Variants in DNAH17 observed in about 807,000 individuals in gnomAD.
The protein encoded by DNAH17 is dynein axonemal heavy chain 17, also known as axonemal beta dynein heavy chain 17.
A neutral mutation model predicts 485.6 loss-of-function variants in DNAH17; 376 were observed. The ratio of observed to expected loss-of-function variants is 0.77; its 90% CI spans 0.71 to 0.84. The LOEUF is 0.84. Among genes scored for constraint, DNAH17 ranks in the 40% least tolerant of loss-of-function variants. DNAH17 has a pLI of 0.00. For synonymous variants in DNAH17, 3,031 were observed against 2,405.9 expected, an observed-to-expected ratio of 1.26 and a Z score of -7.60; for missense variants, 6,370 against 5,839.3, an observed-to-expected ratio of 1.09 and a Z score of -2.96.
chr17:78,444,952 G>A (rs1364766313), intron 70 of DNAH17, among the ~76,000 whole-genome samples, 155 bp from the exon 71 acceptor site: 1 of 152,076 alleles, frequency 6.6e-6, no homozygotes, highest in Non-Finnish European at 1.5e-5. Context: ...ACCAAAGCAG[G>A]AGCTGTCCAT....
chr17:78,426,396 C>A (rs1479358693), intron 79 of DNAH17, 61 bp downstream of exon 79: 2 of 1,498,212 alleles, frequency 1.3e-6, no homozygotes, highest in Admixed American at 2.3e-5. Flanking sequence ...GTGGGGTGTG[C>A]CGAGCTCTGG....
Position 78,440,305 on chromosome 17 carries a change from G to A in DNAH17, c.11677+746C>T, listed in dbSNP as rs1598451704. Among the ~76,000 whole-genome samples, 3 of 140,010 alleles carry A rather than the reference G, an allele frequency of 2.1e-5. No individual in the cohort carries two copies. In the East Asian group the frequency reaches 6.5e-4, roughly 30 times the overall value. The allele number at this position is 140,010 out of a possible 152,430, so 91.9% of individuals were successfully genotyped here. A position where few individuals can be genotyped will look rare whatever the true frequency, so the allele number is the denominator to read the frequency against. ...AGGGTCTTACTCGGTCGCCCAGGCTGGAGTGAAGTGGCTTGATCACGGCTC... is the reference window on the plus strand; with the variant it reads ...AGGGTCTTACTCGGTCGCCCAGGCTAGAGTGAAGTGGCTTGATCACGGCTC... On this transcript the variant is annotated intron_variant, in intron 72 of 80. Coordinates refer to ENST00000389840, the MANE Select transcript of DNAH17 (RefSeq NM_173628.4).
chr17:78,513,028 C>T (rs897284016), intron 26 of DNAH17, among the ~76,000 whole-genome samples: 1 of 151,562 alleles, frequency 6.6e-6, no homozygotes, highest in African/African-American at 2.4e-5. Flanking sequence ...CTACACAATG[C>T]ACCTTACTGA....
intron 54 of DNAH17, among the ~76,000 whole-genome samples, chr17:78,470,131 T>C (rs996145978): frequency 7.3e-6 from 1 of 137,124 alleles, no homozygotes; most frequent in Non-Finnish European, 1.5e-5. Context: ...TGGAGTGCAG[T>C]GTCGCGATCT....
At chr17:78,556,110 C>T (rs2092016433) in intron 14 of DNAH17, among the ~76,000 whole-genome samples, 1 of 152,146 alleles carries the variant, frequency 6.6e-6, no homozygotes, top group Admixed American at 6.5e-5. Flanking sequence ...CATCTCCATC[C>T]ATCCATCTGT....
intron 16 of DNAH17, among the ~76,000 whole-genome samples, chr17:78,544,800 CAAA>C (rs55669221): frequency 1.3e-4 from 6 of 46,874 alleles, no homozygotes; most frequent in African/African-American, 4.9e-4. Context: ...GACTCAGTCT[CAAA>C]AAAAAAAAAA....
chr17:78,478,500 TCACCACCATCACCCTCAC>T (rs1598532478), intron 51 of DNAH17, among the ~76,000 whole-genome samples: 1 of 145,218 alleles, frequency 6.9e-6, no homozygotes, highest in Non-Finnish European at 1.5e-5. Flanking sequence ...ACCATCATTA[TCACCACCATCACCCTCAC>T]CACCACCATC....
intron 51 of DNAH17, among the ~76,000 whole-genome samples, chr17:78,478,088 T>TCACCAC (rs1191521114): frequency 5.7e-5 from 3 of 52,708 alleles, no homozygotes; most frequent in African/African-American, 2.9e-4. Context: ...ATCATCACCA[T>TCACCAC]CACCACCACC....
intron 51 of DNAH17, among the ~76,000 whole-genome samples, chr17:78,477,344 G>A (rs2089078099): frequency 6.6e-6 from 1 of 152,022 alleles, no homozygotes; most frequent in Admixed American, 6.6e-5. Context: ...TGGCCTCTGT[G>A]AGAGCATGGC....
At chr17:78,457,117 T>C (rs2087840222) in intron 62 of DNAH17, among the ~76,000 whole-genome samples, 1 of 152,232 alleles carries the variant, frequency 6.6e-6, no homozygotes, top group Non-Finnish European at 1.5e-5. Flanking sequence ...ACGCCTGTAA[T>C]CCCAGCACTT....
intron 59 of DNAH17, 65 bp downstream of exon 59, chr17:78,460,097 C>A: frequency 6.3e-7 from 1 of 1,581,394 alleles, no homozygotes; most frequent in Non-Finnish European, 8.6e-7. Context: ...CCACCCACGC[C>A]AACAGCGAAG....
chr17:78,517,807 C>G (rs1475662602), intron 25 of DNAH17, among the ~76,000 whole-genome samples: 1 of 152,194 alleles, frequency 6.6e-6, no homozygotes, highest in Non-Finnish European at 1.5e-5. Flanking sequence ...TCTCTTACAA[C>G]TGAAAAACCT....
chr17:78,427,548 C>A (rs1050073782), intron 77 of DNAH17, among the ~76,000 whole-genome samples: 7 of 152,170 alleles, frequency 4.6e-5, no homozygotes, highest in African/African-American at 1.4e-4. Flanking sequence ...TCAGCCAATT[C>A]CTGATTTCAG....
Position 78,529,586 on chromosome 17 carries a change from T to C in DNAH17, c.3393A>G (p.Lys1131=). Residue 1131 remains lysine, a synonymous_variant, in exon 22 of 81, where the codon AAA becomes AAG. Coordinates refer to ENST00000389840, the MANE Select transcript of DNAH17 (RefSeq NM_173628.4). ...GLVEVMGHLM[K]VKERQAATDN... The stretch of plus-strand genomic sequence containing the variant: ...CGGTGGCTGCTTGCCTCTCCTTGAC[T>C]TTCATCAGGTGCCCCATCACCTCCA... 5.6e-6 allele frequency: 9 copies of C among 1,613,906 alleles called. No homozygotes were observed. The South Asian group carries it at 9.9e-5, about 18-fold the overall frequency.
At chr17:78,527,848 G>A (rs2091119879) in intron 22 of DNAH17, among the ~76,000 whole-genome samples, 1 of 152,010 alleles carries the variant, frequency 6.6e-6, no homozygotes, top group Admixed American at 6.6e-5. Context: ...GTGCGATCTT[G>A]GCTCACCACA....
chr17:78,478,812 C>G (rs2089221249), intron 51 of DNAH17: 1 of 531,802 alleles, frequency 1.9e-6, no homozygotes, highest in Non-Finnish European at 3.3e-6. Context: ...CCACCATCAT[C>G]ACATCACCAT....
At chr17:78,446,130 C>T (rs374807426) in intron 69 of DNAH17, among the ~76,000 whole-genome samples, 40 of 132,122 alleles carry the variant, frequency 3.0e-4, no homozygotes, top group African/African-American at 1.0e-3. Context: ...GCCGAGATTA[C>T]GCCACTGCGC....
Position 78,468,667 on chromosome 17 carries a change from G to T in DNAH17, c.8728C>A (p.Arg2910=), listed in dbSNP as rs202169863. ...QVKSLGMNDT[R]ETCWKFFIEK... is the part of the protein sequence containing the mutation. ...ATGAAGAACTTCCAACATGTTTCCC[G>T]AGTGTCATTCATGCCAAGGGACTTG... is the stretch of plus-strand genomic sequence containing the variant. The change falls in exon 55 of 81, where the codon CGG becomes AGG. Residue 2910 remains arginine (R), a synonymous_variant. Transcript: ENST00000389840. 2 of 1,613,946 alleles carry T rather than the reference G, an allele frequency of 1.2e-6. No homozygotes were observed. The highest frequency in any genetic ancestry group is 4.5e-5 in the East Asian group (2 of 44,890).
chr17:78,433,686 T>A (rs2086758092), intron 75 of DNAH17, among the ~76,000 whole-genome samples: 1 of 151,972 alleles, frequency 6.6e-6, no homozygotes. Flanking sequence ...GGTGGCAGGA[T>A]TCTGGGGGAA....
Sources: gnomAD v4.1 joint callset for allele counts (sites outside exome capture counted in the v4.1 genomes callset) on GRCh38, gnomAD v4.1.1 for gene constraint, MANE v1.5 for transcripts, NCBI Gene and HGNC (gene_info 2026-07-23, HGNC 2026-07-21) for gene names.